PEX5L: variants seen among roughly 807,000 people sequenced by gnomAD.
PEX5L encodes PEX5-related protein.
Under a neutral mutation model 84.0 loss-of-function variants are expected in PEX5L, and 30 were observed. The observed-to-expected ratio is 0.36, with a 90% CI of 0.27 to 0.48. The LOEUF (loss-of-function observed/expected upper bound fraction) is 0.48. Ranked by LOEUF, PEX5L falls within the 20% of genes least tolerant of loss-of-function variation. PEX5L has a pLI of 0.99. For missense variants in PEX5L, 533 were observed against 754.6 expected, an observed-to-expected ratio of 0.71 and a Z score of 3.44; for synonymous variants, 270 against 283.1, an observed-to-expected ratio of 0.95 and a Z score of 0.46.
chr3:179,836,041 C>A (rs1577410550), intron 8 of PEX5L, among the ~76,000 whole-genome samples: 1 of 152,058 alleles, frequency 6.6e-6, no homozygotes, highest in African/African-American at 2.4e-5. Flanking sequence ...GAAAAAATAA[C>A]CTTCCTAATT....
intron 2 of PEX5L, among the ~76,000 whole-genome samples, chr3:179,949,068 T>C (rs1778383606): frequency 6.6e-6 from 1 of 152,222 alleles, no homozygotes; most frequent in Non-Finnish European, 1.5e-5. Flanking sequence ...GCCGTATTTG[T>C]AGCTGAGGTT....
At chr3:179,888,271 T>A in intron 3 of PEX5L, 1 of 697,124 alleles carries the variant, frequency 1.4e-6, no homozygotes, top group Non-Finnish European at 2.2e-6. Context: ...CTCCCTCTCT[T>A]AAAAAGCTCA....
intron 2 of PEX5L, among the ~76,000 whole-genome samples, chr3:179,958,586 G>A (rs986498773): frequency 6.6e-6 from 1 of 152,086 alleles, no homozygotes; most frequent in Admixed American, 6.5e-5. Flanking sequence ...GACAAATATC[G>A]GGTTAACAAG....
At chr3:179,951,235 TA>T (rs1173347883) in intron 2 of PEX5L, among the ~76,000 whole-genome samples, 6 of 152,226 alleles carry the variant, frequency 3.9e-5, no homozygotes, top group Non-Finnish European at 7.3e-5. Flanking sequence ...AGAAGACAAT[TA>T]TTTTTGTCAG....
chr3:180,020,140 G>A (rs909581434), intron 1 of PEX5L, among the ~76,000 whole-genome samples: 2 of 152,004 alleles, frequency 1.3e-5, no homozygotes, highest in African/African-American at 4.8e-5. Context: ...GTCAAATAAC[G>A]CCATGATATT....
intron 8 of PEX5L, 34 bp downstream of exon 8, chr3:179,859,028 T>A (rs763709701): frequency 7.1e-7 from 1 of 1,400,264 alleles, no homozygotes; most frequent in Admixed American, 1.7e-5. Flanking sequence ...CTCAGGAGCA[T>A]GAAACAGAAA....
intron 12 of PEX5L, among the ~76,000 whole-genome samples, 196 bp from the exon 13 acceptor site, chr3:179,808,633 T>G (rs1412984385): frequency 6.6e-6 from 1 of 152,192 alleles, no homozygotes; most frequent in African/African-American, 2.4e-5. Flanking sequence ...TGAACTATTT[T>G]GTTGTACACG....
chr3:179,984,256 T>C (rs1018575310), intron 1 of PEX5L, among the ~76,000 whole-genome samples: 1 of 152,142 alleles, frequency 6.6e-6, no homozygotes, highest in East Asian at 1.9e-4. Context: ...AAAGATTAAA[T>C]GCAGAAGCAG....
chr3:179,915,168 C>T lies in PEX5L; in HGVS notation c.94-16922G>A, dbSNP rs187375506. Among the ~76,000 whole-genome samples the T allele has an allele frequency of 2.8e-4, 43 of 152,236 alleles. 1 individual carries two copies. In the East Asian group the frequency reaches 6.2e-3, roughly 22 times the overall value. ...AAAAGCACCTGACACAGAGTAGGTACTCAAATATTTGTTGAATGATTTTTT... is the reference window on the plus strand; with the variant it reads ...AAAAGCACCTGACACAGAGTAGGTATTCAAATATTTGTTGAATGATTTTTT... On this transcript the variant is annotated intron_variant, in intron 2 of 14. Transcript: ENST00000467460.
chr3:179,832,448 TTACCCACCTACCTACC>T (rs1733424355), intron 8 of PEX5L, among the ~76,000 whole-genome samples: 1 of 141,438 alleles, frequency 7.1e-6, no homozygotes, highest in Admixed American at 7.2e-5. Context: ...TCCTACTTAC[TTACCCACCTACCTACC>T]TACCCACCTA....
intron 14 of PEX5L, among the ~76,000 whole-genome samples, chr3:179,806,221 G>A (rs112053311): frequency 0.026 from 3,976 of 152,204 alleles, 76 homozygotes; most frequent in Non-Finnish European, 0.04. Context: ...ATCTGGCCGG[G>A]AAAATCAGAT....
At chr3:180,022,984 A>C (rs1370478613) in intron 1 of PEX5L, among the ~76,000 whole-genome samples, 2 of 152,192 alleles carry the variant, frequency 1.3e-5, no homozygotes, top group Non-Finnish European at 2.9e-5. Flanking sequence ...TCTACCCTCC[A>C]AGGCCACCGC....
intron 2 of PEX5L, among the ~76,000 whole-genome samples, chr3:179,945,986 C>G (rs979469334): frequency 6.6e-6 from 1 of 151,124 alleles, no homozygotes; most frequent in Admixed American, 6.6e-5. Flanking sequence ...ATTGAGTGTA[C>G]AGATAGATGT....
chr3:179,833,516 C>G (rs1470363675), intron 8 of PEX5L, among the ~76,000 whole-genome samples: 1 of 152,150 alleles, frequency 6.6e-6, no homozygotes, highest in African/African-American at 2.4e-5. Context: ...CAAATATTAT[C>G]TAGGTTGGAC....
At chr3:179,972,212 C>A (rs9875854) in intron 1 of PEX5L, among the ~76,000 whole-genome samples, 35,383 of 151,554 alleles carry the variant, frequency 0.23, 4,410 homozygotes, top group East Asian at 0.52. Flanking sequence ...AAAGAGATAA[C>A]TAAAATAATT....
At chr3:179,883,594 A>C (rs969967104) in intron 4 of PEX5L, among the ~76,000 whole-genome samples, 7 of 151,964 alleles carry the variant, frequency 4.6e-5, no homozygotes, top group Non-Finnish European at 7.4e-5. Flanking sequence ...GGCCAGCCTG[A>C]CCAAAATGGA....
chr3:180,034,816 A>G (rs762239673), intron 1 of PEX5L, among the ~76,000 whole-genome samples: 3 of 152,082 alleles, frequency 2.0e-5, no homozygotes, highest in Non-Finnish European at 4.4e-5. Context: ...ACAGCAGTGC[A>G]CAAGCAAAAG....
intron 2 of PEX5L, among the ~76,000 whole-genome samples, chr3:179,959,141 G>A (rs995254805): frequency 6.8e-6 from 1 of 146,692 alleles, no homozygotes; most frequent in Non-Finnish European, 1.5e-5. Context: ...TCTAGCAAGC[G>A]CCAGGTGATG....
At chr3:179,924,790 C>A (rs967997250) in intron 2 of PEX5L, among the ~76,000 whole-genome samples, 1 of 152,116 alleles carries the variant, frequency 6.6e-6, no homozygotes, top group East Asian at 1.9e-4. Flanking sequence ...AGAGAGTCAA[C>A]AGAAATTACA....
Sources: allele counts gnomAD v4.1 joint callset (sites outside exome capture counted in the v4.1 genomes callset), GRCh38; gene constraint gnomAD v4.1.1; transcripts MANE v1.5; gene names NCBI Gene and HGNC (gene_info 2026-07-23, HGNC 2026-07-21).